ESCO2: variants seen among roughly 807,000 people sequenced by gnomAD.
ESCO2 encodes establishment of sister chromatid cohesion N-acetyltransferase 2.
ESCO2 carries 51 observed loss-of-function variants against 61.7 expected under a neutral mutation model. The observed-to-expected ratio is 0.83, with a 90% confidence interval of 0.66 to 1.04. ESCO2 has a LOEUF of 1.04. Among genes scored for constraint, ESCO2 ranks in the 50% least tolerant of loss-of-function variants. The pLI is 0.00. For synonymous variants in ESCO2, 230 were observed against 238.2 expected, an observed-to-expected ratio of 0.97 and a Z score of 0.32; for missense variants, 692 against 686.2, an observed-to-expected ratio of 1.01 and a Z score of -0.09.
chr8:27,811,333 T>C (rs962768951), downstream of ESCO2: 1 of 607,392 alleles, frequency 1.6e-6, no homozygotes, highest in Non-Finnish European at 2.9e-6. Flanking sequence ...AGCTGGTCAG[T>C]TGGCAGGTAT....
chr8:27,800,123 G>C, intron 10 of ESCO2, among the ~76,000 whole-genome samples: 1 of 152,126 alleles, frequency 6.6e-6, no homozygotes. Context: ...AATTACAGAA[G>C]CTGTACATGG....
downstream of ESCO2, among the ~76,000 whole-genome samples, chr8:27,812,840 G>A (rs536925982): frequency 3.3e-4 from 50 of 152,144 alleles, no homozygotes; most frequent in Non-Finnish European, 6.8e-4. Flanking sequence ...GAGAGGATGT[G>A]GAGAAATAGG....
At chr8:27,775,074 C>T (rs894116775) in intron 1 of ESCO2, among the ~76,000 whole-genome samples, 4 of 152,168 alleles carry the variant, frequency 2.6e-5, no homozygotes, top group African/African-American at 7.2e-5. Context: ...GCCACGTAGC[C>T]GCCTGCTCGT....
rs1409218949 is a variant in ESCO2 at position 27,791,551 on chromosome 8, A to G, written c.1264-412A>G. Among the ~76,000 whole-genome samples the G allele has an allele frequency of 3.9e-5, 6 of 152,228 alleles. No homozygotes were observed. The East Asian group carries it at 7.7e-4, about 20-fold the overall frequency. ...GCACCCATCTGTGGTCTTGTCAAGC[A>G]TAAGGGACAAACGTATAAGGACTTT... On this transcript the variant is annotated intron_variant, in intron 7 of 10. Transcript: ENST00000305188.
At chr8:27,800,701 A>G (rs564471196) in intron 10 of ESCO2, among the ~76,000 whole-genome samples, 27 of 152,378 alleles carry the variant, frequency 1.8e-4, no homozygotes, top group African/African-American at 6.5e-4. Flanking sequence ...AAATAATCCA[A>G]TCTGTGATTA....
intron 4 of ESCO2, among the ~76,000 whole-genome samples, chr8:27,781,798 C>A (rs961468920): frequency 6.6e-6 from 1 of 152,042 alleles, no homozygotes; most frequent in African/African-American, 2.4e-5. Context: ...GTGATCCCCC[C>A]ACTTCAGCCT....
At position 27,780,166 on chromosome 8, in the gene ESCO2, A is replaced by C; in HGVS notation, c.862-8A>C. On this transcript the variant is annotated splice_region_variant and splice_polypyrimidine_tract_variant and intron_variant, in intron 3 of 10. Coordinates refer to ENST00000305188, the MANE Select transcript of ESCO2 (RefSeq NM_001017420.3). ...GATGTTTGGTTTTTTTTTTAAACCT[A>C]TTTTCAGGATTCATCAGATGACAGA... 6.4e-7 allele frequency: 1 copy of C among 1,569,326 alleles called. No individual in the cohort carries two copies. The highest frequency in any genetic ancestry group is 8.8e-7 in the Non-Finnish European group (1 of 1,142,664).
chr8:27,785,624 C>G (rs1353492977), intron 5 of ESCO2, among the ~76,000 whole-genome samples: 1 of 147,416 alleles, frequency 6.8e-6, no homozygotes, highest in East Asian at 2.1e-4. Context: ...AGCTTGAACC[C>G]AAGAGGCAGA....
chr8:27,792,194 C>A, intron 8 of ESCO2, 142 bp downstream of exon 8: 1 of 803,794 alleles, frequency 1.2e-6, no homozygotes, highest in Non-Finnish European at 2.1e-6. Flanking sequence ...TTATACAAAA[C>A]TAAGAATTGT....
intron 1 of ESCO2, 42 bp from the exon 2 acceptor site, chr8:27,775,457 T>TAGGC: frequency 1.9e-6 from 3 of 1,549,356 alleles, no homozygotes; most frequent in Non-Finnish European, 2.7e-6. Context: ...ATAAAGCGAT[T>TAGGC]TTTAATATTT....
At chr8:27,812,691 C>T (rs906423796), downstream of ESCO2, 5 of 149,802 alleles carry the variant, frequency 3.3e-5, no homozygotes, top group African/African-American at 1.2e-4. Flanking sequence ...CAAAAGAAGA[C>T]ATTTATGCAG....
At chr8:27,789,196 C>T (rs530244926) in intron 7 of ESCO2, among the ~76,000 whole-genome samples, 3 of 152,278 alleles carry the variant, frequency 2.0e-5, no homozygotes, top group South Asian at 2.1e-4. Flanking sequence ...GAGATACTCT[C>T]TTCCCACTAT....
At chr8:27,810,871 C>CT, downstream of ESCO2, 2 of 871,294 alleles carry the variant, frequency 2.3e-6, no homozygotes, top group Non-Finnish European at 3.6e-6. Flanking sequence ...GTCATCAGTA[C>CT]TAATACATAT....
chr8:27,804,699 C>A lies in ESCO2; in HGVS notation c.*1261C>A, dbSNP rs1364908781. The A allele has an allele frequency of 1.0e-6, 1 of 985,130 alleles. No individual in the cohort carries two copies. Among genetic ancestry groups the A allele is most frequent in the Non-Finnish European group, 1.2e-6 (1 of 829,866 alleles). 61.0% of individuals were successfully genotyped at this position (985,130 alleles called of 1,614,324 possible). On this transcript the variant is annotated 3_prime_UTR_variant, in exon 11 of 11. Transcript: ENST00000305188. Reference sequence around the variant, plus strand: ...TATTCATCTGCATTCATTTTATTTGCCTGTAAGTTAACATGTTTCCAAAAT... The same window carrying A: ...TATTCATCTGCATTCATTTTATTTGACTGTAAGTTAACATGTTTCCAAAAT...
chr8:27,785,187 CAA>C (rs1371001317), intron 5 of ESCO2, among the ~76,000 whole-genome samples: 1 of 152,220 alleles, frequency 6.6e-6, no homozygotes, highest in Non-Finnish European at 1.5e-5. Flanking sequence ...CATGAGAGAA[CAA>C]GAGAGCTTGG....
upstream of ESCO2, chr8:27,772,664 T>A (rs779033824): frequency 1.1e-6 from 1 of 907,108 alleles, no homozygotes; most frequent in Admixed American, 2.8e-5. Flanking sequence ...CCGGCGGACG[T>A]CGGGGCGCGT....
intron 10 of ESCO2, among the ~76,000 whole-genome samples, chr8:27,802,607 C>CAAAAAAAAAA (rs1188348304): frequency 3.4e-5 from 1 of 29,182 alleles, no homozygotes; most frequent in Non-Finnish European, 8.7e-5. Context: ...GACTCTGTCT[C>CAAAAAAAAAA]AAAAAAAAAA....
At chr8:27,802,633 ATATATATATATATATATAT>A (rs1805466958) in intron 10 of ESCO2, among the ~76,000 whole-genome samples, 1 of 53,854 alleles carries the variant, frequency 1.9e-5, no homozygotes, top group Non-Finnish European at 3.3e-5. Flanking sequence ...AAAAAAAAAT[ATATATATATATATATATAT>A]ATATTATATA....
At chr8:27,776,263 G>GT in intron 2 of ESCO2, 99 bp from the exon 3 acceptor site, 1 of 986,396 alleles carries the variant, frequency 1.0e-6, no homozygotes, top group Non-Finnish European at 1.5e-6. Context: ...TACATGTATT[G>GT]TTTTTAATAT....
Sources: allele counts gnomAD v4.1 joint callset (sites outside exome capture counted in the v4.1 genomes callset), GRCh38; gene constraint gnomAD v4.1.1; transcripts MANE v1.5; gene names NCBI Gene and HGNC (gene_info 2026-07-23, HGNC 2026-07-21).